PTPRD: variants seen among roughly 807,000 people sequenced by gnomAD.
PTPRD encodes the protein protein tyrosine phosphatase receptor type D.
In PTPRD, 34 loss-of-function variants were observed where a neutral mutation model predicts 214.5. The observed-to-expected ratio is 0.16, with a 90% CI of 0.12 to 0.21. The LOEUF (loss-of-function observed/expected upper bound fraction) is 0.21. Among genes scored for constraint, PTPRD ranks in the 10% least tolerant of loss-of-function variants. The probability of loss-of-function intolerance (pLI) is 1.00; values close to 1 mark genes in which losing one functional copy is unlikely to be tolerated. For missense variants in PTPRD, 2,545 were observed against 2,398.7 expected (o/e 1.06, Z -1.27); for synonymous variants, 1,128 against 845.7 (o/e 1.33, Z -5.79).
rs1555531077 is a variant in PTPRD, at chr9:10,060,803, C to CTTTCTTTCTTTCTTT, written c.-544-27014_-544-27013insAAAGAAAGAAAGAAA. Among the ~76,000 whole-genome samples, 5 of 103,230 alleles carry CTTTCTTTCTTTCTTT rather than the reference C, an allele frequency of 4.8e-5. No homozygotes were observed. The African/African-American group carries it at 5.2e-4, about 11-fold the overall frequency. 67.7% of individuals were successfully genotyped at this position (103,230 alleles called of 152,430 possible). ...TTCTTTCTTTCTTTCTTTCTTTCTT[C>CTTTCTTTCTTTCTTT]CTTTCTTTCTTTCTTTCTTTCTTTC... On this transcript the variant is annotated intron_variant, in intron 3 of 45. Coordinates refer to ENST00000381196, the MANE Select transcript of PTPRD (RefSeq NM_002839.4).
At chr9:10,190,098 G>T (rs143125555) in intron 3 of PTPRD, among the ~76,000 whole-genome samples, 6 of 152,070 alleles carry the variant, frequency 3.9e-5, no homozygotes, top group African/African-American at 1.4e-4. Flanking sequence ...CAGGCGCGGT[G>T]GGTCACGCCC....
At chr9:10,108,059 T>C (rs993310889) in intron 3 of PTPRD, among the ~76,000 whole-genome samples, 2 of 152,116 alleles carry the variant, frequency 1.3e-5, no homozygotes, top group Non-Finnish European at 2.9e-5. Context: ...TAGCTTAGGA[T>C]GGATGTTGTG....
In PTPRD at chr9:9,598,551, G is replaced by A. The variant is rs187267025; in HGVS notation, c.-286-23770C>T. ...TGAAGTTATACAGAATACAGTTTTT[G>A]AAGAAGCAACTACTATAGACCTACT... is the stretch of plus-strand genomic sequence containing the variant. On this transcript the variant is annotated intron_variant, in intron 7 of 45. Coordinates refer to ENST00000381196, the MANE Select transcript of PTPRD (RefSeq NM_002839.4). Among the ~76,000 whole-genome samples the A allele has an allele frequency of 1.1e-3, 173 of 152,038 alleles. 4 individuals are homozygous for A. The highest frequency in any genetic ancestry group is 0.01 in the Admixed American group (159 of 15,242).
chr9:10,579,783 A>T (rs913646194), intron 2 of PTPRD, among the ~76,000 whole-genome samples: 15 of 152,070 alleles, frequency 9.9e-5, no homozygotes, highest in Non-Finnish European at 7.4e-5. Context: ...ATATTTTTTG[A>T]TATTTTTAAT....
intron 34 of PTPRD, among the ~76,000 whole-genome samples, chr9:8,437,604 C>A (rs559305770): frequency 6.6e-6 from 1 of 152,104 alleles, no homozygotes; most frequent in East Asian, 1.9e-4. Context: ...TTATAAATGG[C>A]CACACTAACA....
chr9:10,502,624 C>T (rs181776215), intron 2 of PTPRD, among the ~76,000 whole-genome samples: 1 of 152,008 alleles, frequency 6.6e-6, no homozygotes, highest in African/African-American at 2.4e-5. Flanking sequence ...TTCAAAGACC[C>T]CATTGCCTAA....
At chr9:8,669,833 T>G (rs2097246133) in intron 12 of PTPRD, among the ~76,000 whole-genome samples, 1 of 152,084 alleles carries the variant, frequency 6.6e-6, no homozygotes, top group Non-Finnish European at 1.5e-5. Flanking sequence ...GTAGAGCCTG[T>G]GAAGGTTTGA....
chr9:8,995,958 G>T (rs1431963667), intron 11 of PTPRD, among the ~76,000 whole-genome samples: 1 of 152,044 alleles, frequency 6.6e-6, no homozygotes, highest in African/African-American at 2.4e-5. Flanking sequence ...ATCATAAGGA[G>T]TTACAGTTGT....
intron 22 of PTPRD, among the ~76,000 whole-genome samples, chr9:8,504,866 G>T (rs62534040): frequency 0.073 from 11,097 of 152,158 alleles, 496 homozygotes; most frequent in South Asian, 0.12. Flanking sequence ...TGGAGGCAAA[G>T]AAAACATGAC....
At chr9:9,522,157 CAAAAAAA>C (rs770450649) in intron 8 of PTPRD, among the ~76,000 whole-genome samples, 3 of 40,452 alleles carry the variant, frequency 7.4e-5, no homozygotes, top group South Asian at 1.0e-3. Context: ...ATCTCCATCT[CAAAAAAA>C]AAAAAAAAAA....
intron 10 of PTPRD, among the ~76,000 whole-genome samples, chr9:9,063,135 C>A (rs2099710730): frequency 6.6e-6 from 1 of 152,054 alleles, no homozygotes; most frequent in Admixed American, 6.6e-5. Flanking sequence ...GAGATCCCAA[C>A]ATTTGTCATG....
At chr9:9,341,681 G>T (rs1336914763) in intron 9 of PTPRD, among the ~76,000 whole-genome samples, 1 of 152,014 alleles carries the variant, frequency 6.6e-6, no homozygotes, top group African/African-American at 2.4e-5. Context: ...GAACCTGAGG[G>T]CTGGAATGAT....
intron 14 of PTPRD, among the ~76,000 whole-genome samples, chr9:8,538,440 T>C (rs538642586): frequency 7.4e-4 from 113 of 151,954 alleles, no homozygotes; most frequent in African/African-American, 2.6e-3. Flanking sequence ...CTCAATCAAA[T>C]GGGACTACAG....
intron 2 of PTPRD, among the ~76,000 whole-genome samples, chr9:10,424,860 A>G (rs545454099): frequency 6.6e-6 from 1 of 152,132 alleles, no homozygotes; most frequent in East Asian, 1.9e-4. Flanking sequence ...TGCTGGTTCT[A>G]CTTCTCTAAT....
intron 5 of PTPRD, among the ~76,000 whole-genome samples, chr9:9,919,053 T>C (rs2081788653): frequency 2.0e-5 from 3 of 152,136 alleles, no homozygotes; most frequent in African/African-American, 4.8e-5. Flanking sequence ...AGCCTTTTAT[T>C]TGCTAATGTT....
At chr9:9,372,558 T>C (rs183340748) in intron 9 of PTPRD, among the ~76,000 whole-genome samples, 127 of 152,296 alleles carry the variant, frequency 8.3e-4, no homozygotes, top group Non-Finnish European at 1.2e-3. Flanking sequence ...GGGTCTTGAC[T>C]CTTTATCCCA....
At position 9,431,938 on chromosome 9, in the gene PTPRD, G is replaced by T. The variant is rs562226731; in HGVS notation, c.-236-34456C>A. ...GGAGGGGGGAGGGGTAGCATTAGAA[G>T]ATATACCTAATGTAAATGACAAGTT... is the stretch of plus-strand genomic sequence containing the variant. On this transcript the variant is annotated intron_variant, in intron 8 of 45. Transcript: ENST00000381196. 9.1e-4 allele frequency among the ~76,000 whole-genome samples: 137 copies of T among 150,396 alleles called. 2 individuals carry two copies. In the South Asian group the frequency reaches 0.011, roughly 12 times the overall value.
At chr9:8,979,697 A>C (rs1035813094) in intron 11 of PTPRD, among the ~76,000 whole-genome samples, 2 of 152,118 alleles carry the variant, frequency 1.3e-5, no homozygotes. Context: ...ATATTACCTC[A>C]CAACCATAAG....
intron 3 of PTPRD, among the ~76,000 whole-genome samples, chr9:10,195,098 A>ATTTTTTT (rs34900305): frequency 5.3e-4 from 52 of 97,898 alleles, no homozygotes; most frequent in African/African-American, 7.9e-4. Flanking sequence ...ATACCCGGCT[A>ATTTTTTT]TTTTTTTTTT....
Sources: allele counts gnomAD v4.1 joint callset (sites outside exome capture counted in the v4.1 genomes callset), GRCh38; gene constraint gnomAD v4.1.1; transcripts MANE v1.5; gene names NCBI Gene and HGNC (gene_info 2026-07-23, HGNC 2026-07-21).